The following FRMD3 variants were observed in gnomAD, a reference collection of about 807,000 sequenced individuals.
FRMD3 encodes FERM domain-containing protein 3.
Under a neutral mutation model 70.2 loss-of-function variants are expected in FRMD3, and 33 were observed. The observed-to-expected ratio is 0.47, with a 90% CI of 0.36 to 0.63. The LOEUF is 0.63. Ranked by LOEUF, FRMD3 falls within the 20% of genes least tolerant of loss-of-function variation. The pLI is 0.00. For synonymous variants in FRMD3, 279 were observed against 255.9 expected, an observed-to-expected ratio of 1.09 and a Z score of -0.86; for missense variants, 632 against 711.4, an observed-to-expected ratio of 0.89 and a Z score of 1.27.
Position 83,246,441 on chromosome 9 carries a change from G to C in FRMD3, c.*1477C>G, listed in dbSNP as rs1832101171. 1 of 984,168 alleles carries C rather than the reference G, an allele frequency of 1.0e-6. No homozygotes were observed. The highest frequency in any genetic ancestry group is 6.2e-5 in the Admixed American group (1 of 16,238). 61.0% of individuals were successfully genotyped at this position (984,168 alleles called of 1,614,324 possible). ...TCCATCATGGATTTAATGGTATCAA[G>C]GAAGGTACTAGAGCACTGGTCCCCT... On this transcript the variant is annotated 3_prime_UTR_variant, in exon 14 of 14. Coordinates refer to ENST00000304195, the MANE Select transcript of FRMD3 (RefSeq NM_174938.6).
At chr9:83,313,814 T>C in intron 6 of FRMD3, 67 bp from the exon 7 acceptor site, 1 of 1,143,068 alleles carries the variant, frequency 8.7e-7, no homozygotes, top group Non-Finnish European at 1.3e-6. Flanking sequence ...AATCCCTTCA[T>C]TCAATAAAGT....
At chr9:83,275,258 G>A (rs1403450647) in intron 13 of FRMD3, among the ~76,000 whole-genome samples, 2 of 152,142 alleles carry the variant, frequency 1.3e-5, no homozygotes, top group African/African-American at 4.8e-5. Context: ...CTGGGATTCC[G>A]ACTTCCTTCT....
intron 5 of FRMD3, among the ~76,000 whole-genome samples, chr9:83,342,701 T>TAGAC: frequency 7.7e-6 from 1 of 129,624 alleles, no homozygotes; most frequent in Middle Eastern, 3.8e-3. Context: ...ATTAGATAGA[T>TAGAC]AGATAGATAG....
At chr9:83,300,282 A>G (rs1482319853) in intron 10 of FRMD3, among the ~76,000 whole-genome samples, 1 of 152,206 alleles carries the variant, frequency 6.6e-6, no homozygotes, top group African/African-American at 2.4e-5. Flanking sequence ...TGCCCTGAGG[A>G]AGGGACATCT....
At chr9:83,285,411 C>T (rs1053090041) in intron 13 of FRMD3, among the ~76,000 whole-genome samples, 13 of 152,138 alleles carry the variant, frequency 8.5e-5, no homozygotes, top group South Asian at 4.1e-4. Flanking sequence ...ACACCCATTG[C>T]CACCCCCAAG....
At chr9:83,422,169 G>A (rs1826665807) in intron 1 of FRMD3, among the ~76,000 whole-genome samples, 1 of 152,184 alleles carries the variant, frequency 6.6e-6, no homozygotes, top group Non-Finnish European at 1.5e-5. Context: ...AGGCTGCAGT[G>A]AGCCAAGATT....
Position 83,335,978 on chromosome 9 carries a change from T to C in FRMD3, c.473-339A>G, listed in dbSNP as rs138290079. 5.3e-5 allele frequency among the ~76,000 whole-genome samples: 8 copies of C among 152,268 alleles called. No homozygotes were observed. The East Asian group carries it at 1.5e-3, about 29-fold the overall frequency. Reference sequence around the variant, plus strand: ...AGATTTTCTAAGGAACTGTAGGACATTTAGTAGCTCTACCCTTCAGGTACT... The same window carrying C: ...AGATTTTCTAAGGAACTGTAGGACACTTAGTAGCTCTACCCTTCAGGTACT... On this transcript the variant is annotated intron_variant, in intron 5 of 13. Coordinates refer to ENST00000304195, the MANE Select transcript of FRMD3 (RefSeq NM_174938.6).
upstream of FRMD3, among the ~76,000 whole-genome samples, chr9:83,541,850 G>A (rs1357781907): frequency 2.6e-5 from 4 of 152,154 alleles, no homozygotes; most frequent in Admixed American, 2.0e-4. Context: ...TTCTACACCA[G>A]GTGAACAAAG....
chr9:83,428,476 A>G (rs1350790601), intron 1 of FRMD3, among the ~76,000 whole-genome samples: 1 of 151,572 alleles, frequency 6.6e-6, no homozygotes, highest in Non-Finnish European at 1.5e-5. Flanking sequence ...GGATACTTCC[A>G]TATATACATA....
the FRMD3 span, among the ~76,000 whole-genome samples, chr9:83,566,938 G>A: frequency 2.0e-5 from 3 of 152,178 alleles, no homozygotes; most frequent in East Asian, 1.9e-4. Flanking sequence ...TCTGGAGGAC[G>A]GTGGCCCTCT....
At chr9:83,264,810 G>A (rs1476191944) in intron 13 of FRMD3, among the ~76,000 whole-genome samples, 4 of 151,304 alleles carry the variant, frequency 2.6e-5, no homozygotes, top group Non-Finnish European at 5.9e-5. Context: ...CCAATTGTGG[G>A]GGGAGGGGGG....
chr9:83,408,532 G>A (rs1446282102), intron 1 of FRMD3, among the ~76,000 whole-genome samples: 2 of 152,208 alleles, frequency 1.3e-5, no homozygotes, highest in African/African-American at 4.8e-5. Context: ...CCCCAGGTGG[G>A]GGAAAGTTCA....
At chr9:83,252,907 G>A (rs62560450) in intron 13 of FRMD3, among the ~76,000 whole-genome samples, 15,080 of 152,082 alleles carry the variant, frequency 0.099, 982 homozygotes, top group East Asian at 0.17. Flanking sequence ...TAGAGACTTA[G>A]ACTCTACACA....
chr9:83,498,797 C>T (rs1213206962), intron 1 of FRMD3, among the ~76,000 whole-genome samples: 11 of 152,016 alleles, frequency 7.2e-5, no homozygotes, highest in Admixed American at 7.2e-4. Flanking sequence ...CCACTCAAAA[C>T]AGCTCTTAGA....
At chr9:83,477,321 T>G (rs1307202022) in intron 1 of FRMD3, among the ~76,000 whole-genome samples, 1 of 152,166 alleles carries the variant, frequency 6.6e-6, no homozygotes, top group Non-Finnish European at 1.5e-5. Context: ...TTCAACCACA[T>G]TCAGAATTAT....
intron 1 of FRMD3, among the ~76,000 whole-genome samples, chr9:83,462,525 T>C (rs1270507735): frequency 6.6e-6 from 1 of 152,184 alleles, no homozygotes; most frequent in Non-Finnish European, 1.5e-5. Flanking sequence ...GTGGAATTAC[T>C]ATGGTGCCAT....
At chr9:83,545,869 T>C in the FRMD3 span, among the ~76,000 whole-genome samples, 2 of 152,122 alleles carry the variant, frequency 1.3e-5, no homozygotes, top group East Asian at 1.9e-4. Context: ...CTAGGAGATA[T>C]ATTGCAAGAC....
chr9:83,357,242 CATACATATATATATAT>C (rs1179992269), intron 3 of FRMD3, among the ~76,000 whole-genome samples: 191 of 13,244 alleles, frequency 0.014, 12 homozygotes, highest in Admixed American at 0.018. Context: ...ATATATAATA[CATACATATATATATAT>C]ATATATATAT....
chr9:83,370,870 C>T lies in FRMD3; in HGVS notation c.295+2043G>A, dbSNP rs560617532. 1.5e-3 allele frequency among the ~76,000 whole-genome samples: 222 copies of T among 152,222 alleles called. 1 individual carries two copies. Among genetic ancestry groups the T allele is most frequent in the African/African-American group, 4.7e-3 (194 of 41,530 alleles). On this transcript the variant is annotated intron_variant, in intron 3 of 13. Coordinates refer to ENST00000304195, the MANE Select transcript of FRMD3 (RefSeq NM_174938.6). ...AGATTGCAGTGAGCCAAGATTGCACCACTGCACTAAAGCCTGGTGACAGAA... is the reference window on the plus strand; with the variant it reads ...AGATTGCAGTGAGCCAAGATTGCACTACTGCACTAAAGCCTGGTGACAGAA...
Sources: gnomAD v4.1 joint callset for allele counts (sites outside exome capture counted in the v4.1 genomes callset) on GRCh38, gnomAD v4.1.1 for gene constraint, MANE v1.5 for transcripts, NCBI Gene and HGNC (gene_info 2026-07-23, HGNC 2026-07-21) for gene names.